The following IQCM variants were observed in gnomAD, a reference collection of about 807,000 sequenced individuals.
IQCM encodes IQ motif containing M.
Under a neutral mutation model 57.6 loss-of-function variants are expected in IQCM, and 45 were observed. That is an observed-to-expected ratio of 0.78 (90% confidence interval 0.62 to 1.00). The LOEUF (loss-of-function observed/expected upper bound fraction) is 1.00, where lower values mean the gene tolerates loss of function less well. Among genes scored for constraint, IQCM ranks in the 50% least tolerant of loss-of-function variants. The pLI, the probability that IQCM is intolerant of heterozygous loss-of-function variation, is 0.00. For missense variants in IQCM, 468 were observed against 511.6 expected, an observed-to-expected ratio of 0.91 and a Z score of 0.82; for synonymous variants, 148 against 158.9, an observed-to-expected ratio of 0.93 and a Z score of 0.51.
chr4:149,771,025 C>T (rs187116607), intron 2 of IQCM, among the ~76,000 whole-genome samples: 5 of 152,162 alleles, frequency 3.3e-5, no homozygotes, highest in Admixed American at 1.3e-4. Context: ...TATCATACCT[C>T]TAACTTCATG....
chr4:149,480,219 G>T (rs1018335213), intron 12 of IQCM, among the ~76,000 whole-genome samples: 13 of 151,630 alleles, frequency 8.6e-5, no homozygotes, highest in African/African-American at 3.2e-4. Context: ...ATATTTATGG[G>T]GTACATGAGA....
In IQCM at chr4:149,659,674, C is replaced by T. The variant is rs565293137; in HGVS notation, c.565+22444G>A. 2.0e-5 allele frequency among the ~76,000 whole-genome samples: 3 copies of T among 152,224 alleles called. No homozygotes were observed. In the East Asian group the frequency reaches 5.8e-4, roughly 29 times the overall value. On this transcript the variant is annotated intron_variant, in intron 7 of 13. Transcript: ENST00000636793. ...CAGAACAGAGCCCTCAGAAATAACA[C>T]CGCATATCTACAACTGTCTGATCTT... is the stretch of plus-strand genomic sequence containing the variant.
intron 13 of IQCM, among the ~76,000 whole-genome samples, chr4:149,380,291 C>T (rs771772592): frequency 5.3e-5 from 8 of 151,610 alleles, no homozygotes; most frequent in Non-Finnish European, 1.0e-4. Context: ...TCCTTAAATC[C>T]ATTCCTTCAG....
chr4:149,626,359 G>A (rs2150083508), intron 7 of IQCM, among the ~76,000 whole-genome samples: 1 of 122,792 alleles, frequency 8.1e-6, no homozygotes, highest in East Asian at 2.6e-4. Context: ...ACCTTTGTGG[G>A]ATCTTGTGAT....
At chr4:149,455,197 G>A (rs919864468) in intron 12 of IQCM, among the ~76,000 whole-genome samples, 1 of 151,958 alleles carries the variant, frequency 6.6e-6, no homozygotes, top group Admixed American at 6.6e-5. Context: ...TGCATTTGCC[G>A]CACTGGCAGT....
intron 12 of IQCM, among the ~76,000 whole-genome samples, chr4:149,488,892 T>C (rs985785649): frequency 2.6e-5 from 4 of 152,148 alleles, no homozygotes; most frequent in South Asian, 2.1e-4. Flanking sequence ...GCCTTTTATA[T>C]AGAATAGTGA....
At chr4:149,742,467 G>A (rs1010653655) in intron 3 of IQCM, among the ~76,000 whole-genome samples, 188 bp downstream of exon 3, 2 of 152,062 alleles carry the variant, frequency 1.3e-5, no homozygotes, top group Admixed American at 1.3e-4. Context: ...GATACCATAT[G>A]GGACAGCACA....
intron 7 of IQCM, among the ~76,000 whole-genome samples, chr4:149,636,638 C>A (rs1358526306): frequency 2.6e-5 from 4 of 152,058 alleles, no homozygotes; most frequent in South Asian, 4.2e-4. Context: ...ATTTTTAAAT[C>A]TTGCCTAAGA....
intron 2 of IQCM, among the ~76,000 whole-genome samples, chr4:149,776,349 G>A (rs950808497): frequency 2.6e-5 from 4 of 152,030 alleles, no homozygotes; most frequent in East Asian, 1.9e-4. Context: ...TGGGAAAACC[G>A]AGGCTCAGAG....
intron 11 of IQCM, among the ~76,000 whole-genome samples, chr4:149,549,049 G>GC (rs1748746207): frequency 6.6e-6 from 1 of 151,948 alleles, no homozygotes; most frequent in Admixed American, 6.6e-5. Context: ...TCTAAAGTTG[G>GC]CCCCTAATTG....
intron 12 of IQCM, among the ~76,000 whole-genome samples, chr4:149,498,548 C>A (rs1213905591): frequency 6.6e-6 from 1 of 152,068 alleles, no homozygotes; most frequent in African/African-American, 2.4e-5. Flanking sequence ...TGAGCAATAC[C>A]AAGGAGCAGG....
At chr4:149,356,595 T>C (rs1304110813) in intron 13 of IQCM, among the ~76,000 whole-genome samples, 1 of 152,216 alleles carries the variant, frequency 6.6e-6, no homozygotes, top group Non-Finnish European at 1.5e-5. Flanking sequence ...TTCTGTTTCA[T>C]TGGTCTATAT....
At chr4:149,742,437 T>G (rs1162425267) in intron 3 of IQCM, among the ~76,000 whole-genome samples, 1 of 152,160 alleles carries the variant, frequency 6.6e-6, no homozygotes, top group East Asian at 1.9e-4. Flanking sequence ...AAGGACTGAA[T>G]AGCCCACATG....
chr4:149,644,067 G>A lies in IQCM; in HGVS notation c.566-22823C>T, dbSNP rs559185290. Among the ~76,000 whole-genome samples the A allele has an allele frequency of 2.7e-4, 41 of 152,186 alleles. No homozygotes were observed. The East Asian group carries it at 4.6e-3, about 17-fold the overall frequency. ...AAAATCATGCTCCAAGAAACAGCTC[G>A]GTTTAAGGCAAACTGGGCCAGTTGG... On this transcript the variant is annotated intron_variant, in intron 7 of 13. Coordinates refer to ENST00000636793, the MANE Select transcript of IQCM (RefSeq NM_001363507.2).
At position 149,616,355 on chromosome 4, in the gene IQCM, G is replaced by A. The variant is rs544977948; in HGVS notation, c.681+4774C>T. ...AGCCACAAAAGAACAAATATTCTAC[G>A]ATTCTGTTTATGAGACACCTAGAGT... On this transcript the variant is annotated intron_variant, in intron 8 of 13. Transcript: ENST00000636793. Among the ~76,000 whole-genome samples the A allele has an allele frequency of 3.3e-5, 5 of 152,212 alleles. No individual in the cohort carries two copies. The South Asian group carries it at 8.3e-4, about 25-fold the overall frequency.
At chr4:149,655,774 C>T (rs1057376534) in intron 7 of IQCM, among the ~76,000 whole-genome samples, 3 of 151,972 alleles carry the variant, frequency 2.0e-5, no homozygotes, top group African/African-American at 4.8e-5. Flanking sequence ...CAAAAAAAAT[C>T]ACACAACTTT....
chr4:149,733,186 G>A (rs1766621674), intron 5 of IQCM, 58 bp downstream of exon 5: 3 of 1,211,298 alleles, frequency 2.5e-6, no homozygotes, highest in African/African-American at 3.1e-5. Flanking sequence ...AGGCACATAA[G>A]AAACAAATAG....
At chr4:149,433,653 G>A in intron 12 of IQCM, 96 bp from the exon 13 acceptor site, 3 of 438,978 alleles carry the variant, frequency 6.8e-6, no homozygotes, top group South Asian at 2.5e-4. Flanking sequence ...CTAACATTTG[G>A]ATACAACAGG....
intron 13 of IQCM, among the ~76,000 whole-genome samples, chr4:149,358,431 T>A (rs1220315159): frequency 6.6e-6 from 1 of 152,212 alleles, no homozygotes; most frequent in East Asian, 1.9e-4. Flanking sequence ...GTCCCATAGA[T>A]TCTGGTATGT....
Sources: allele counts gnomAD v4.1 joint callset (sites outside exome capture counted in the v4.1 genomes callset), GRCh38; gene constraint gnomAD v4.1.1; transcripts MANE v1.5; gene names NCBI Gene and HGNC (gene_info 2026-07-23, HGNC 2026-07-21).